Variants in GALNT14 observed in about 807,000 individuals in gnomAD.
GALNT14 encodes UDP-GalNAc:polypeptide N-acetylgalactosaminyltransferase 14.
GALNT14 carries 60 observed loss-of-function variants against 77.5 expected under a neutral mutation model. The ratio of observed to expected loss-of-function variants is 0.77; its 90% CI spans 0.63 to 0.96. The LOEUF (loss-of-function observed/expected upper bound fraction) is 0.96, where lower values mean the gene tolerates loss of function less well. Ranked by LOEUF, GALNT14 falls within the 40% of genes least tolerant of loss-of-function variation. GALNT14 has a pLI of 0.00. For synonymous variants in GALNT14, 280 were observed against 281.7 expected (o/e 0.99, Z 0.06); for missense variants, 710 against 731.0 (o/e 0.97, Z 0.33).
intron 1 of GALNT14, chr2:31,078,901 G>T (rs930012531): frequency 7.8e-7 from 1 of 1,288,946 alleles, no homozygotes; most frequent in Non-Finnish European, 1.0e-6. Context: ...GGGACCAGGA[G>T]AGCAAAGGAC....
At chr2:30,974,596 G>A (rs1266475920) in intron 2 of GALNT14, among the ~76,000 whole-genome samples, 2 of 152,170 alleles carry the variant, frequency 1.3e-5, no homozygotes, top group African/African-American at 4.8e-5. Context: ...TATCTGAAAT[G>A]CACTCTCCTC....
intron 2 of GALNT14, among the ~76,000 whole-genome samples, chr2:30,975,252 A>G (rs75980851): frequency 0.024 from 3,584 of 152,316 alleles, 146 homozygotes; most frequent in East Asian, 0.21. Context: ...GTTCTTGTTT[A>G]CCAAAGTTCC....
At chr2:31,082,484 C>G (rs947383410) in intron 1 of GALNT14, among the ~76,000 whole-genome samples, 2 of 152,188 alleles carry the variant, frequency 1.3e-5, no homozygotes, top group African/African-American at 2.4e-5. Flanking sequence ...TTGGAGAAAG[C>G]CAGTTTCTAG....
intron 5 of GALNT14, 60 bp from the exon 6 acceptor site, chr2:30,955,799 C>G: frequency 6.2e-7 from 1 of 1,609,744 alleles, no homozygotes; most frequent in Non-Finnish European, 8.5e-7. Context: ...CCAGCGAGAC[C>G]AGGGAGAAGC....
intron 1 of GALNT14, among the ~76,000 whole-genome samples, chr2:31,068,049 T>C (rs1675094910): frequency 6.6e-6 from 1 of 152,040 alleles, no homozygotes; most frequent in Non-Finnish European, 1.5e-5. Context: ...CAAGACAGAC[T>C]CTTATCCTTT....
chr2:31,064,585 C>T (rs1284986397), intron 1 of GALNT14, among the ~76,000 whole-genome samples: 2 of 152,170 alleles, frequency 1.3e-5, no homozygotes, highest in Non-Finnish European at 1.5e-5. Context: ...TTATAGAATA[C>T]CCAAGAGTGG....
the GALNT14 span, among the ~76,000 whole-genome samples, chr2:30,898,364 T>G: frequency 2.6e-5 from 4 of 152,184 alleles, no homozygotes; most frequent in Admixed American, 6.5e-5. Flanking sequence ...GACCCTGCCC[T>G]CCGCTCTGGG....
chr2:31,034,723 G>GTA (rs1386238395), intron 1 of GALNT14, among the ~76,000 whole-genome samples: 1 of 152,172 alleles, frequency 6.6e-6, no homozygotes, highest in Non-Finnish European at 1.5e-5. Flanking sequence ...AGCAAGGCAT[G>GTA]TATAGCCTTA....
chr2:31,101,581 A>G (rs1216254202), intron 1 of GALNT14, among the ~76,000 whole-genome samples: 1 of 151,976 alleles, frequency 6.6e-6, no homozygotes, highest in Non-Finnish European at 1.5e-5. Flanking sequence ...TTTCAAACCT[A>G]TTTGCATAGA....
At chr2:31,090,057 G>A (rs144917973) in intron 1 of GALNT14, among the ~76,000 whole-genome samples, 4,117 of 152,262 alleles carry the variant, frequency 0.027, 108 homozygotes, top group Non-Finnish European at 0.033. Flanking sequence ...AGGCAAGGGT[G>A]GGTGTCCACT....
chr2:30,921,648 A>G (rs1228825674), intron 13 of GALNT14, among the ~76,000 whole-genome samples: 1 of 152,180 alleles, frequency 6.6e-6, no homozygotes, highest in African/African-American at 2.4e-5. Context: ...GACTGGGAAC[A>G]ATGGGTTAAT....
At chr2:30,927,754 A>C (rs1176905018) in intron 11 of GALNT14, among the ~76,000 whole-genome samples, 1 of 152,190 alleles carries the variant, frequency 6.6e-6, no homozygotes, top group African/African-American at 2.4e-5. Context: ...GGAAGAGTGG[A>C]GGTTTAATGA....
chr2:31,131,241 T>C (rs534320861), intron 1 of GALNT14, among the ~76,000 whole-genome samples: 7 of 152,328 alleles, frequency 4.6e-5, no homozygotes, highest in African/African-American at 1.7e-4. Context: ...CTCTATCTCC[T>C]GCCGCTTGTG....
At chr2:31,024,349 T>G in intron 1 of GALNT14, among the ~76,000 whole-genome samples, 1 of 152,034 alleles carries the variant, frequency 6.6e-6, no homozygotes, top group Non-Finnish European at 1.5e-5. Flanking sequence ...GCTGCACAAC[T>G]CACTCACGGA....
rs149644688 is a variant in GALNT14, at chr2:31,108,325, C to T, written c.129+29633G>A. On this transcript the variant is annotated intron_variant, in intron 1 of 14. Coordinates refer to ENST00000349752, the MANE Select transcript of GALNT14 (RefSeq NM_024572.4). ...GATGGAAACATAAATTCTTCAAAAG[C>T]AATTTGCTTGCCAAGGACTAAGGAA... 7.1e-4 allele frequency among the ~76,000 whole-genome samples: 108 copies of T among 152,346 alleles called. 1 individual carries two copies. Among genetic ancestry groups the T allele is most frequent in the African/African-American group, 2.5e-3 (105 of 41,580 alleles).
chr2:31,063,668 G>A (rs183620886), intron 1 of GALNT14, among the ~76,000 whole-genome samples: 50 of 152,232 alleles, frequency 3.3e-4, no homozygotes, highest in African/African-American at 1.2e-3. Flanking sequence ...CCACTTTCAC[G>A]ATATTGATTC....
intron 1 of GALNT14, among the ~76,000 whole-genome samples, chr2:31,128,726 G>A (rs1451523514): frequency 6.6e-6 from 1 of 152,140 alleles, no homozygotes; most frequent in African/African-American, 2.4e-5. Context: ...AGGGGGAAGG[G>A]CGGAGAGCCT....
intron 9 of GALNT14, among the ~76,000 whole-genome samples, chr2:30,934,210 C>T (rs1665918147): frequency 6.6e-6 from 1 of 152,202 alleles, no homozygotes. Flanking sequence ...AACTGCCTGG[C>T]ACCCACATCC....
At chr2:30,914,477 T>C (rs1664555736) in intron 13 of GALNT14, among the ~76,000 whole-genome samples, 1 of 152,110 alleles carries the variant, frequency 6.6e-6, no homozygotes, top group African/African-American at 2.4e-5. Context: ...ACAACCTTTA[T>C]GAAAAGATGA....
Sources: allele counts gnomAD v4.1 joint callset (sites outside exome capture counted in the v4.1 genomes callset), GRCh38; gene constraint gnomAD v4.1.1; transcripts MANE v1.5; gene names NCBI Gene and HGNC (gene_info 2026-07-23, HGNC 2026-07-21).